The following RAB3GAP2 variants were observed in gnomAD, a reference collection of about 807,000 sequenced individuals.
The protein encoded by RAB3GAP2 is rab3 GTPase-activating protein non-catalytic subunit.
Under a neutral mutation model 185.3 loss-of-function variants are expected in RAB3GAP2, and 87 were observed. The observed-to-expected ratio is 0.47, with a 90% CI of 0.39 to 0.56. The LOEUF is 0.56. RAB3GAP2 is among the 20% of genes least tolerant of loss of function. RAB3GAP2 has a pLI of 0.00. For synonymous variants in RAB3GAP2, 554 were observed against 576.1 expected (o/e 0.96, Z 0.55); for missense variants, 1,492 against 1,638.2 (o/e 0.91, Z 1.54).
chr1:220,179,480 A>G (rs976709308), intron 21 of RAB3GAP2, among the ~76,000 whole-genome samples: 1 of 152,206 alleles, frequency 6.6e-6, no homozygotes, highest in Non-Finnish European at 1.5e-5. Context: ...TAGAACATCA[A>G]TAAAGAAAGA....
At chr1:220,265,054 A>G (rs963310292) in intron 1 of RAB3GAP2, among the ~76,000 whole-genome samples, 6 of 152,110 alleles carry the variant, frequency 3.9e-5, no homozygotes, top group Non-Finnish European at 5.9e-5. Context: ...TATCTGTATG[A>G]TCCTCTTCCA....
chr1:220,250,418 A>G (rs897291846), intron 1 of RAB3GAP2, among the ~76,000 whole-genome samples: 17 of 152,348 alleles, frequency 1.1e-4, no homozygotes, highest in South Asian at 6.2e-4. Flanking sequence ...GTATATAGGA[A>G]GTAACTAACT....
At chr1:220,262,133 CAAAA>C (rs554304525) in intron 1 of RAB3GAP2, among the ~76,000 whole-genome samples, 4 of 112,338 alleles carry the variant, frequency 3.6e-5, no homozygotes, top group African/African-American at 5.8e-5. Flanking sequence ...ACTAAAAATA[CAAAA>C]AAAAAAAAAA....
chr1:220,212,317 A>G (rs1368606957), intron 4 of RAB3GAP2, among the ~76,000 whole-genome samples: 1 of 152,212 alleles, frequency 6.6e-6, no homozygotes, highest in Non-Finnish European at 1.5e-5. Context: ...CAAAATGTAA[A>G]AAGGATTTTA....
Position 220,202,260 on chromosome 1 carries a change from A to T in RAB3GAP2, c.811+16T>A, listed in dbSNP as rs1419382910. 1 of 1,609,878 alleles carries T rather than the reference A, an allele frequency of 6.2e-7. No individual in the cohort carries two copies. Among genetic ancestry groups the T allele is most frequent in the South Asian group, 1.1e-5 (1 of 90,032 alleles). The stretch of plus-strand genomic sequence containing the variant: ...AAGAAGTAAATTCCAAGAGAATTTG[A>T]ATTAGTAATACTTACCAACACTAGC... On this transcript the variant is annotated intron_variant, in intron 9 of 34. Coordinates refer to ENST00000358951, the MANE Select transcript of RAB3GAP2 (RefSeq NM_012414.4).
Position 220,193,165 on chromosome 1 carries a change from G to T in RAB3GAP2, c.1270+75C>A, listed in dbSNP as rs564106202. On this transcript the variant is annotated intron_variant, in intron 13 of 34. Transcript: ENST00000358951. ...TAAACAGAGTTATCATCCAGAAGCT[G>T]AAGGATGATAACATTGCTCAACTAT... 158 of 1,537,528 alleles carry T rather than the reference G, an allele frequency of 1.0e-4. 1 individual carries two copies. Among genetic ancestry groups the T allele is most frequent in the Middle Eastern group, 6.3e-4 (3 of 4,736 alleles).
chr1:220,272,318 T>C lies in RAB3GAP2; in HGVS notation c.20A>G (p.Gln7Arg). MACSIV[Q>R]FCYFQDLQAA... ...CTGGAGGTCCTGGAAGTAGCAGAACTGGACAATGGAGCAGGCCATGGCTCC... is the reference window on the plus strand; with the variant it reads ...CTGGAGGTCCTGGAAGTAGCAGAACCGGACAATGGAGCAGGCCATGGCTCC... Residue 7 changes from glutamine to arginine, a missense_variant, in exon 1 of 35, where the codon CAG becomes CGG. By Grantham distance (43) the Gln-to-Arg change is conservative. Coordinates refer to ENST00000358951, the MANE Select transcript of RAB3GAP2 (RefSeq NM_012414.4). 1.2e-6 allele frequency: 2 copies of C among 1,611,788 alleles called. No individual in the cohort carries two copies. The highest frequency in any genetic ancestry group is 1.1e-5 in the South Asian group (1 of 90,196).
At chr1:220,240,128 T>A (rs555737982) in intron 1 of RAB3GAP2, among the ~76,000 whole-genome samples, 1 of 152,052 alleles carries the variant, frequency 6.6e-6, no homozygotes, top group Non-Finnish European at 1.5e-5. Flanking sequence ...ACTGGAGAAA[T>A]CTAAAAATAG....
chr1:220,163,744 C>CATACATACATATATATATATAT (rs775527991), intron 27 of RAB3GAP2, among the ~76,000 whole-genome samples: 1 of 123,024 alleles, frequency 8.1e-6, no homozygotes, highest in African/African-American at 3.1e-5. Context: ...TAAATACATA[C>CATACATACATATATATATATAT]ATATATATAT....
At chr1:220,180,405 TAAG>T (rs1016455691) in intron 21 of RAB3GAP2, among the ~76,000 whole-genome samples, 9 of 151,982 alleles carry the variant, frequency 5.9e-5, no homozygotes, top group African/African-American at 2.2e-4. Flanking sequence ...TTAGTTAGAC[TAAG>T]AAGCAAAGAG....
chr1:220,207,388 G>A (rs1658988767), intron 7 of RAB3GAP2, among the ~76,000 whole-genome samples: 1 of 152,146 alleles, frequency 6.6e-6, no homozygotes, highest in African/African-American at 2.4e-5. Context: ...AAGGTGAAAA[G>A]TTATCTCATT....
chr1:220,260,604 G>T (rs186985250), intron 1 of RAB3GAP2, among the ~76,000 whole-genome samples: 1 of 152,206 alleles, frequency 6.6e-6, no homozygotes, highest in East Asian at 1.9e-4. Flanking sequence ...GGGGTGGTGG[G>T]GGGAGGGAGA....
At chr1:220,257,481 T>C (rs1341824948) in intron 1 of RAB3GAP2, among the ~76,000 whole-genome samples, 1 of 151,718 alleles carries the variant, frequency 6.6e-6, no homozygotes, top group African/African-American at 2.4e-5. Flanking sequence ...GACTTTTGGG[T>C]AAACAATGAA....
Position 220,153,237 on chromosome 1 carries a change from C to T in RAB3GAP2, c.3815G>A (p.Arg1272Lys). ...GTTGTATAGTTCCCCCACATAATGC[C>T]TTCTAACAACATCTTCACTAACTTG... is the stretch of plus-strand genomic sequence containing the variant. ...HLQVSEDVVR[R>K]HYVGELYNYG... Residue 1272 changes from arginine to lysine, a missense_variant, in exon 33 of 35, where the codon AGG (arginine) becomes AAG (lysine). Arg to Lys is a conservative substitution (Grantham distance 26). Coordinates refer to ENST00000358951, the MANE Select transcript of RAB3GAP2 (RefSeq NM_012414.4). 1 of 1,614,142 alleles carries T rather than the reference C, an allele frequency of 6.2e-7. No homozygotes were observed. The highest frequency in any genetic ancestry group is 8.5e-7 in the Non-Finnish European group (1 of 1,180,000).
At chr1:220,185,582 G>A in intron 18 of RAB3GAP2, 69 bp downstream of exon 18, 1 of 1,147,040 alleles carries the variant, frequency 8.7e-7, no homozygotes, top group South Asian at 1.3e-5. Flanking sequence ...AAAGTCAATA[G>A]CTTTCTATAA....
intron 27 of RAB3GAP2, 147 bp downstream of exon 27, chr1:220,164,586 C>T (rs1658030862): frequency 2.7e-6 from 3 of 1,125,750 alleles, no homozygotes; most frequent in African/African-American, 3.2e-5. Context: ...GAGACCCTTG[C>T]ACCTCAGCCA....
At chr1:220,167,081 G>C (rs1658081354) in intron 26 of RAB3GAP2, among the ~76,000 whole-genome samples, 1 of 152,180 alleles carries the variant, frequency 6.6e-6, no homozygotes, top group Non-Finnish European at 1.5e-5. Flanking sequence ...TTTCTTTAGA[G>C]TGGGGATACT....
At chr1:220,194,204 A>G (rs925732460) in intron 12 of RAB3GAP2, among the ~76,000 whole-genome samples, 3 of 152,054 alleles carry the variant, frequency 2.0e-5, no homozygotes, top group African/African-American at 7.2e-5. Flanking sequence ...TTTAAAACAA[A>G]ACCAAACATT....
chr1:220,159,744 G>A (rs1657930187), intron 28 of RAB3GAP2, among the ~76,000 whole-genome samples: 3 of 151,836 alleles, frequency 2.0e-5, no homozygotes, highest in Non-Finnish European at 4.4e-5. Flanking sequence ...TGGGCCGGGT[G>A]TGGTAGTTCA....
Sources: gnomAD v4.1 joint callset for allele counts (sites outside exome capture counted in the v4.1 genomes callset) on GRCh38, gnomAD v4.1.1 for gene constraint, MANE v1.5 for transcripts, NCBI Gene and HGNC (gene_info 2026-07-23, HGNC 2026-07-21) for gene names.